COPG2: variants seen among roughly 807,000 people sequenced by gnomAD.
COPG2 encodes coatomer subunit gamma-2.
Under a neutral mutation model 46.3 loss-of-function variants are expected in COPG2, and 37 were observed. The observed-to-expected ratio is 0.80, with a 90% CI of 0.61 to 1.05. The LOEUF is 1.05. Among genes scored for constraint, COPG2 ranks in the 50% least tolerant of loss-of-function variants. COPG2 has a pLI of 0.00. For missense variants in COPG2, 427 were observed against 387.8 expected (o/e 1.10, Z -0.85); for synonymous variants, 159 against 129.7 (o/e 1.23, Z -1.53).
intron 9 of COPG2, among the ~76,000 whole-genome samples, chr7:130,581,999 T>A (rs180714995): frequency 0.19 from 29,050 of 151,568 alleles, 2,831 homozygotes; most frequent in Middle Eastern, 0.24. Flanking sequence ...AAAAACTACT[T>A]TAAAGTTCAT....
At chr7:130,524,787 CAG>C (rs1462124992) in intron 20 of COPG2, among the ~76,000 whole-genome samples, 1 of 152,184 alleles carries the variant, frequency 6.6e-6, no homozygotes, top group African/African-American at 2.4e-5. Context: ...CTTGGAAACA[CAG>C]GGGACCACGT....
chr7:130,659,352 C>A, intron 4 of COPG2, among the ~76,000 whole-genome samples: 1 of 8,296 alleles, frequency 1.2e-4, no homozygotes, highest in African/African-American at 2.5e-4. Context: ...AAGACTCCGT[C>A]TCAAAAAAAA....
chr7:130,520,734 A>C (rs1194011472), intron 20 of COPG2, among the ~76,000 whole-genome samples: 1 of 152,228 alleles, frequency 6.6e-6, no homozygotes, highest in Non-Finnish European at 1.5e-5. Context: ...CAAGCAACTC[A>C]TCAGGTGGTA....
intron 9 of COPG2, among the ~76,000 whole-genome samples, chr7:130,596,419 T>C (rs1412157271): frequency 5.9e-5 from 9 of 152,234 alleles, no homozygotes; most frequent in Non-Finnish European, 1.3e-4. Flanking sequence ...TATTTGGCCA[T>C]GCTGAATTAT....
intron 20 of COPG2, among the ~76,000 whole-genome samples, chr7:130,534,574 A>C (rs1177735315): frequency 6.6e-6 from 1 of 152,130 alleles, no homozygotes; most frequent in Non-Finnish European, 1.5e-5. Context: ...TCGGTAGCAA[A>C]TGGGGATGCA....
At chr7:130,567,410 T>C (rs1034660539) in intron 9 of COPG2, among the ~76,000 whole-genome samples, 148 of 152,262 alleles carry the variant, frequency 9.7e-4, no homozygotes, top group African/African-American at 3.2e-3. Flanking sequence ...CAAGGAAAAC[T>C]TCCCCGGCCT....
chr7:130,516,138 G>A (rs1163592017), intron 20 of COPG2, among the ~76,000 whole-genome samples: 2 of 152,208 alleles, frequency 1.3e-5, no homozygotes, highest in East Asian at 3.8e-4. Context: ...GTGTACAATA[G>A]TGAAGTTAAA....
chr7:130,540,916 TAGC>T (rs1799928654), intron 20 of COPG2, among the ~76,000 whole-genome samples: 1 of 151,954 alleles, frequency 6.6e-6, no homozygotes, highest in African/African-American at 2.4e-5. Flanking sequence ...GGAAAAAAAA[TAGC>T]AGTCTCTAAA....
Position 130,511,692 on chromosome 7 carries a change from T to C in COPG2, c.2150-3033A>G, listed in dbSNP as rs78020247. ...GAGACTGGAAGCAAAGGAAAGAAAA[T>C]ATTACATAAGGAAGGGCCTACTGGC... On this transcript the variant is annotated intron_variant, in intron 20 of 23. Transcript: ENST00000425248. The C allele has an allele frequency of 6.5e-3, 3,343 of 513,006 alleles. 84 individuals are homozygous for C. The highest frequency in any genetic ancestry group is 0.058 in the African/African-American group (3,016 of 51,858). 31.8% of individuals were successfully genotyped at this position (513,006 alleles called of 1,614,324 possible).
At chr7:130,538,489 C>T (rs1054635019) in intron 20 of COPG2, among the ~76,000 whole-genome samples, 58 of 152,198 alleles carry the variant, frequency 3.8e-4, no homozygotes, top group African/African-American at 1.3e-3. Flanking sequence ...TATCATGCTT[C>T]TTATCAAGGC....
chr7:130,629,539 CA>C, intron 5 of COPG2, among the ~76,000 whole-genome samples: 1 of 151,544 alleles, frequency 6.6e-6, no homozygotes, highest in South Asian at 2.1e-4. Flanking sequence ...GGACTACAGG[CA>C]CATGCCACCA....
chr7:130,651,059 G>T (rs544522247), intron 5 of COPG2, among the ~76,000 whole-genome samples: 2 of 152,166 alleles, frequency 1.3e-5, no homozygotes, highest in South Asian at 4.1e-4. Context: ...TACTACTACT[G>T]GTTAAACACA....
chr7:130,564,445 T>G, intron 9 of COPG2, 52 bp from the exon 10 acceptor site: 1 of 398,404 alleles, frequency 2.5e-6, no homozygotes, highest in Non-Finnish European at 4.4e-6. Flanking sequence ...AGAGAGGCAA[T>G]ATGCATAGGG....
chr7:130,548,917 C>CA lies in COPG2; in HGVS notation c.1838-376dup, dbSNP rs1397008620. Among the ~76,000 whole-genome samples the CA allele has an allele frequency of 6.0e-3, 733 of 122,400 alleles. 5 individuals are homozygous for CA. Among genetic ancestry groups the CA allele is most frequent in the Middle Eastern group, 0.046 (11 of 240 alleles). The allele number at this position is 122,400 out of a possible 152,430, so 80.3% of individuals were successfully genotyped here. On this transcript the variant is annotated intron_variant, in intron 18 of 23. Coordinates refer to ENST00000425248, the MANE Select transcript of COPG2 (RefSeq NM_012133.6). ...TGGGTGACAGAGCGAGACTCTGTCT[C>CA]AAAAAAAAAAAATGCTTTAGTTTCC...
chr7:130,585,298 C>T (rs1020793531), intron 9 of COPG2, among the ~76,000 whole-genome samples: 9 of 151,968 alleles, frequency 5.9e-5, no homozygotes, highest in Non-Finnish European at 1.2e-4. Context: ...TCATCGCTTA[C>T]CTTATACAAA....
intron 5 of COPG2, among the ~76,000 whole-genome samples, chr7:130,639,283 C>T (rs1317723751): frequency 6.6e-6 from 1 of 152,210 alleles, no homozygotes; most frequent in African/African-American, 2.4e-5. Context: ...ATATAGCTCA[C>T]TGCTGAGAAT....
chr7:130,592,046 T>C (rs1554449072), intron 9 of COPG2, among the ~76,000 whole-genome samples: 3 of 152,352 alleles, frequency 2.0e-5, no homozygotes, highest in African/African-American at 7.2e-5. Context: ...TTTCATTTTG[T>C]TCTGTACTAA....
chr7:130,528,256 G>A (rs1164452127), intron 20 of COPG2, among the ~76,000 whole-genome samples: 1 of 152,072 alleles, frequency 6.6e-6, no homozygotes, highest in Non-Finnish European at 1.5e-5. Flanking sequence ...GTGCTGTGGT[G>A]ACAGGAAGAA....
intron 9 of COPG2, among the ~76,000 whole-genome samples, chr7:130,596,996 G>A (rs1794540592): frequency 6.6e-6 from 1 of 152,202 alleles, no homozygotes; most frequent in Admixed American, 6.5e-5. Flanking sequence ...GACTGAAGTA[G>A]CATATGTATT....
Sources: allele counts gnomAD v4.1 joint callset (sites outside exome capture counted in the v4.1 genomes callset), GRCh38; gene constraint gnomAD v4.1.1; transcripts MANE v1.5; gene names NCBI Gene and HGNC (gene_info 2026-07-23, HGNC 2026-07-21).